Variants in AKT3 observed in about 807,000 individuals in gnomAD.
AKT3 encodes AKT serine/threonine kinase 3, also known as RAC-gamma serine/threonine-protein kinase.
In AKT3, 15 loss-of-function variants were observed where a neutral mutation model predicts 65.3. That is an observed-to-expected ratio of 0.23 (90% CI 0.15 to 0.35). AKT3 has a LOEUF of 0.35. Among genes scored for constraint, AKT3 ranks in the 10% least tolerant of loss-of-function variants. The pLI is 1.00. For synonymous variants in AKT3, 206 were observed against 183.8 expected, an observed-to-expected ratio of 1.12 and a Z score of -0.98; for missense variants, 243 against 576.5, an observed-to-expected ratio of 0.42 and a Z score of 5.92.
rs1389315197 is a variant in AKT3 at position 243,500,930 on chromosome 1, C to CTTAA, written c.*4315_*4318dup. The CTTAA allele has an allele frequency of 4.4e-6, 1 of 227,630 alleles. No individual in the cohort carries two copies. Among genetic ancestry groups the CTTAA allele is most frequent in the East Asian group, 6.4e-5 (1 of 15,740 alleles). The allele number at this position is 227,630 out of a possible 1,614,324, so 14.1% of individuals were successfully genotyped here. ...TGTCACATAAGATATTTTAATTGTC[C>CTTAA]TTAATTCTGTTTTAGATATACTGTG... On this transcript the variant is annotated 3_prime_UTR_variant, in exon 14 of 14. Coordinates refer to ENST00000673466, the MANE Select transcript of AKT3 (RefSeq NM_005465.7).
chr1:243,709,808 T>C (rs1259816263), intron 2 of AKT3, among the ~76,000 whole-genome samples: 2 of 152,090 alleles, frequency 1.3e-5, no homozygotes. Flanking sequence ...CTATGCGTTC[T>C]TCCTTAGAAG....
chr1:243,665,680 A>C (rs1682717381), intron 3 of AKT3, among the ~76,000 whole-genome samples: 1 of 152,376 alleles, frequency 6.6e-6, no homozygotes. Flanking sequence ...CAGTATCTAC[A>C]TCATAGAATT....
At chr1:243,545,948 AGGG>A in intron 11 of AKT3, among the ~76,000 whole-genome samples, 1 of 152,142 alleles carries the variant, frequency 6.6e-6, no homozygotes, top group East Asian at 1.9e-4. Flanking sequence ...GGTCACTGCA[AGGG>A]TTAGAAACAA....
intron 9 of AKT3, among the ~76,000 whole-genome samples, chr1:243,566,237 G>A (rs1674147209): frequency 6.6e-6 from 1 of 152,106 alleles, no homozygotes; most frequent in African/African-American, 2.4e-5. Context: ...ATCTAATTCT[G>A]TAACCTCGTA....
At chr1:243,520,191 G>A (rs1294570244) in intron 12 of AKT3, among the ~76,000 whole-genome samples, 1 of 152,154 alleles carries the variant, frequency 6.6e-6, no homozygotes, top group Non-Finnish European at 1.5e-5. Flanking sequence ...ATCAGGATAT[G>A]TCTTAACTCA....
At chr1:243,619,232 C>T (rs534436540) in intron 6 of AKT3, among the ~76,000 whole-genome samples, 4 of 152,094 alleles carry the variant, frequency 2.6e-5, no homozygotes, top group East Asian at 1.9e-4. Flanking sequence ...CATGTTTTTT[C>T]GATACATAAT....
chr1:243,687,281 C>T (rs1684390657), intron 3 of AKT3, among the ~76,000 whole-genome samples: 1 of 152,008 alleles, frequency 6.6e-6, no homozygotes, highest in Non-Finnish European at 1.5e-5. Flanking sequence ...ATAAAAGAGG[C>T]TCAGAAAGTA....
intron 2 of AKT3, among the ~76,000 whole-genome samples, chr1:243,760,391 T>G (rs1397862680): frequency 5.8e-5 from 8 of 138,780 alleles, no homozygotes; most frequent in Non-Finnish European, 3.0e-5. Context: ...CCTCCCAAAG[T>G]GCTGGGATTA....
intron 8 of AKT3, among the ~76,000 whole-genome samples, chr1:243,577,777 G>T (rs1471973751): frequency 6.6e-6 from 1 of 152,124 alleles, no homozygotes; most frequent in East Asian, 1.9e-4. Context: ...GAAAATTTTT[G>T]CAACCTAGCC....
chr1:243,650,191 G>T (rs556361183), intron 4 of AKT3, among the ~76,000 whole-genome samples: 118 of 152,160 alleles, frequency 7.8e-4, no homozygotes, highest in Non-Finnish European at 1.4e-3. Context: ...TCATACATTT[G>T]TTGGCTGCAT....
chr1:243,709,316 G>A, intron 2 of AKT3, among the ~76,000 whole-genome samples: 1 of 149,926 alleles, frequency 6.7e-6, no homozygotes. Context: ...TTCTATTGAA[G>A]GAAGATAAAA....
intron 2 of AKT3, among the ~76,000 whole-genome samples, chr1:243,791,117 T>C (rs1691603978): frequency 6.6e-6 from 1 of 152,150 alleles, no homozygotes; most frequent in East Asian, 1.9e-4. Context: ...TTGTAAGAAA[T>C]GCAGTATTAG....
chr1:243,559,302 G>A (rs1186710876), intron 10 of AKT3, among the ~76,000 whole-genome samples: 4 of 152,066 alleles, frequency 2.6e-5, no homozygotes, highest in Admixed American at 1.3e-4. Context: ...GAACTGAACC[G>A]CTGTAACCTG....
chr1:243,627,668 C>G (rs1399387149), intron 6 of AKT3, among the ~76,000 whole-genome samples: 1 of 152,194 alleles, frequency 6.6e-6, no homozygotes, highest in African/African-American at 2.4e-5. Context: ...AGCAAATACC[C>G]CAGGGTCTAA....
At chr1:243,807,150 C>G (rs1692779811) in intron 2 of AKT3, among the ~76,000 whole-genome samples, 1 of 152,160 alleles carries the variant, frequency 6.6e-6, no homozygotes, top group Non-Finnish European at 1.5e-5. Context: ...AATGAGGTAC[C>G]AGGTTCATCT....
chr1:243,822,691 T>TA (rs1307204908), intron 2 of AKT3, among the ~76,000 whole-genome samples: 1 of 152,024 alleles, frequency 6.6e-6, no homozygotes, highest in Non-Finnish European at 1.5e-5. Context: ...AAGAAATGGA[T>TA]AAATTCCTGG....
chr1:243,636,229 A>T (rs932702803), intron 6 of AKT3, among the ~76,000 whole-genome samples: 3 of 152,118 alleles, frequency 2.0e-5, no homozygotes, highest in Non-Finnish European at 4.4e-5. Flanking sequence ...TATTTATAAC[A>T]ATAGCATATT....
At chr1:243,757,113 T>C (rs750052379) in intron 2 of AKT3, among the ~76,000 whole-genome samples, 1 of 152,200 alleles carries the variant, frequency 6.6e-6, no homozygotes, top group Non-Finnish European at 1.5e-5. Context: ...GCACAGATCC[T>C]GGGTTAGAAT....
At chr1:243,765,379 C>T (rs888503366) in intron 2 of AKT3, among the ~76,000 whole-genome samples, 2 of 151,898 alleles carry the variant, frequency 1.3e-5, no homozygotes, top group African/African-American at 2.4e-5. Context: ...GATTTTGAAC[C>T]GCAAACCCAG....
Sources: allele counts gnomAD v4.1 joint callset (sites outside exome capture counted in the v4.1 genomes callset), GRCh38; gene constraint gnomAD v4.1.1; transcripts MANE v1.5; gene names NCBI Gene and HGNC (gene_info 2026-07-23, HGNC 2026-07-21).